MACROD2: variants seen among roughly 807,000 people sequenced by gnomAD.
MACROD2 encodes ADP-ribose glycohydrolase MACROD2.
A neutral mutation model predicts 70.4 loss-of-function variants in MACROD2; 36 were observed. The observed-to-expected ratio is 0.51, with a 90% confidence interval of 0.39 to 0.68. MACROD2 has a LOEUF of 0.68. Among genes scored for constraint, MACROD2 ranks in the 30% least tolerant of loss-of-function variants. The probability of loss-of-function intolerance (pLI) is 0.00; values close to 1 mark genes in which losing one functional copy is unlikely to be tolerated. For missense variants in MACROD2, 496 were observed against 538.4 expected, an observed-to-expected ratio of 0.92 and a Z score of 0.78; for synonymous variants, 172 against 178.8, an observed-to-expected ratio of 0.96 and a Z score of 0.30.
At chr20:14,228,208 G>A (rs545745916) in intron 3 of MACROD2, among the ~76,000 whole-genome samples, 1 of 151,948 alleles carries the variant, frequency 6.6e-6, no homozygotes, top group South Asian at 2.1e-4. Flanking sequence ...GTGTGTGCGT[G>A]TGTAGACAAT....
At chr20:15,099,389 AT>A (rs2123189052) in intron 5 of MACROD2, among the ~76,000 whole-genome samples, 1 of 152,224 alleles carries the variant, frequency 6.6e-6, no homozygotes, top group South Asian at 2.1e-4. Flanking sequence ...CAAGAAAAAA[AT>A]CTCTCTCTCC....
At position 15,455,088 on chromosome 20, in the gene MACROD2, G is replaced by A. The variant is rs200163204; in HGVS notation, c.571+23653G>A. On this transcript the variant is annotated intron_variant, in intron 7 of 17. Transcript: ENST00000684519. ...TTGGACCAAGGCATCCCAACTTCAG[G>A]TTTCACCCACGTAGCCAACAGCGAG... Among the ~76,000 whole-genome samples the A allele has an allele frequency of 2.6e-5, 4 of 152,190 alleles. No individual in the cohort carries two copies. The East Asian group carries it at 7.7e-4, about 29-fold the overall frequency.
chr20:14,360,474 C>G (rs910996504), intron 3 of MACROD2, among the ~76,000 whole-genome samples: 43 of 152,136 alleles, frequency 2.8e-4, no homozygotes, highest in African/African-American at 1.0e-3. Context: ...ATTTCAGGTT[C>G]ATTGTTCAAC....
chr20:14,811,014 C>T (rs2072703956), intron 5 of MACROD2, among the ~76,000 whole-genome samples: 1 of 151,974 alleles, frequency 6.6e-6, no homozygotes, highest in East Asian at 1.9e-4. Context: ...CCATACTGCC[C>T]AAAGTAATTT....
At chr20:14,405,876 G>A (rs1182374334) in intron 3 of MACROD2, among the ~76,000 whole-genome samples, 1 of 152,098 alleles carries the variant, frequency 6.6e-6, no homozygotes, top group Non-Finnish European at 1.5e-5. Context: ...GTAGTTTACA[G>A]CACTATGGTT....
chr20:15,607,765 C>T, intron 8 of MACROD2, among the ~76,000 whole-genome samples: 1 of 152,110 alleles, frequency 6.6e-6, no homozygotes, highest in East Asian at 1.9e-4. Context: ...AACTCCTGAC[C>T]TCAGGTGATC....
At chr20:14,122,880 A>G (rs1471871198) in intron 3 of MACROD2, among the ~76,000 whole-genome samples, 1 of 152,122 alleles carries the variant, frequency 6.6e-6, no homozygotes, top group Non-Finnish European at 1.5e-5. Context: ...TATCTGGCCC[A>G]TAAAACTCCT....
chr20:14,290,052 G>A (rs2122442003), intron 3 of MACROD2, among the ~76,000 whole-genome samples: 1 of 152,220 alleles, frequency 6.6e-6, no homozygotes, highest in East Asian at 1.9e-4. Flanking sequence ...GAGGGAGAAG[G>A]TGCTAATCAT....
intron 8 of MACROD2, among the ~76,000 whole-genome samples, chr20:15,539,758 C>T (rs2047929459): frequency 6.6e-6 from 1 of 152,192 alleles, no homozygotes; most frequent in African/African-American, 2.4e-5. Flanking sequence ...GAGGCCAAGG[C>T]AGGTGGATCA....
chr20:14,238,580 T>C (rs2081898880), intron 3 of MACROD2, among the ~76,000 whole-genome samples: 1 of 152,152 alleles, frequency 6.6e-6, no homozygotes, highest in African/African-American at 2.4e-5. Flanking sequence ...GAGAAAGATA[T>C]AAAAGGCATC....
At chr20:14,557,736 C>T (rs1324125500) in intron 4 of MACROD2, among the ~76,000 whole-genome samples, 2 of 151,612 alleles carry the variant, frequency 1.3e-5, no homozygotes, top group African/African-American at 2.4e-5. Context: ...AATTGTTGAC[C>T]AAGATAAGGA....
intron 5 of MACROD2, among the ~76,000 whole-genome samples, chr20:14,715,490 G>A (rs1048030681): frequency 6.6e-6 from 1 of 152,162 alleles, no homozygotes; most frequent in East Asian, 1.9e-4. Flanking sequence ...ATTTTCAGAG[G>A]GCTGAAGAAT....
intron 8 of MACROD2, among the ~76,000 whole-genome samples, chr20:15,589,411 G>A (rs983278794): frequency 3.3e-5 from 5 of 151,998 alleles, no homozygotes; most frequent in Non-Finnish European, 7.4e-5. Context: ...CATCAAAATC[G>A]AGTGAAAGAG....
intron 12 of MACROD2, 68 bp from the exon 13 acceptor site, chr20:15,967,485 T>C: frequency 8.4e-7 from 1 of 1,188,820 alleles, no homozygotes; most frequent in East Asian, 2.4e-5. Flanking sequence ...TCTATCATGT[T>C]AGTGCTGAAA....
intron 3 of MACROD2, among the ~76,000 whole-genome samples, chr20:14,201,051 A>T (rs1462771745): frequency 6.7e-6 from 1 of 149,560 alleles, no homozygotes; most frequent in Non-Finnish European, 1.5e-5. Flanking sequence ...TTCTTTTGTG[A>T]TTGCTGCTAT....
At chr20:16,046,391 T>C (rs6131768) in intron 17 of MACROD2, among the ~76,000 whole-genome samples, 34,147 of 151,886 alleles carry the variant, frequency 0.22, 4,379 homozygotes, top group East Asian at 0.41. Context: ...GCAGAAATGA[T>C]ACGGTTGAGG....
At chr20:14,318,167 T>A (rs2082629460) in intron 3 of MACROD2, among the ~76,000 whole-genome samples, 1 of 152,172 alleles carries the variant, frequency 6.6e-6, no homozygotes, top group Non-Finnish European at 1.5e-5. Flanking sequence ...GTTGTCACAA[T>A]TATCAGAGCC....
At chr20:15,605,148 T>C (rs2048875100) in intron 8 of MACROD2, among the ~76,000 whole-genome samples, 1 of 152,174 alleles carries the variant, frequency 6.6e-6, no homozygotes, top group South Asian at 2.1e-4. Flanking sequence ...CTCTTAAATC[T>C]TTTCACTTTC....
At chr20:15,287,010 A>T (rs570962019) in intron 6 of MACROD2, among the ~76,000 whole-genome samples, 1 of 152,342 alleles carries the variant, frequency 6.6e-6, no homozygotes, top group South Asian at 2.1e-4. Flanking sequence ...AGGTTTGTAC[A>T]GTTCCATGCC....
Sources: gnomAD v4.1 joint callset for allele counts (sites outside exome capture counted in the v4.1 genomes callset) on GRCh38, gnomAD v4.1.1 for gene constraint, MANE v1.5 for transcripts, NCBI Gene and HGNC (gene_info 2026-07-23, HGNC 2026-07-21) for gene names.